The following CACNA2D3 variants were observed in gnomAD, a reference collection of about 807,000 sequenced individuals.
The protein encoded by CACNA2D3 is voltage-dependent calcium channel subunit alpha-2/delta-3.
CACNA2D3 carries 60 observed loss-of-function variants against 160.6 expected under a neutral mutation model. The ratio of observed to expected loss-of-function variants is 0.37; its 90% CI spans 0.30 to 0.46. The LOEUF is 0.46. Ranked by LOEUF, CACNA2D3 falls within the 20% of genes least tolerant of loss-of-function variation. The pLI is 1.00. For missense variants in CACNA2D3, 1,205 were observed against 1,365.0 expected, an observed-to-expected ratio of 0.88 and a Z score of 1.85; for synonymous variants, 558 against 492.9, an observed-to-expected ratio of 1.13 and a Z score of -1.75.
Position 54,661,838 on chromosome 3 carries a change from A to ATGTG in CACNA2D3, c.1167+19601_1167+19604dup, listed in dbSNP as rs780111250. Among the ~76,000 whole-genome samples, 427 of 146,778 alleles carry ATGTG rather than the reference A, an allele frequency of 2.9e-3. 3 individuals are homozygous for ATGTG. The East Asian group carries it at 0.031, about 11-fold the overall frequency. On this transcript the variant is annotated intron_variant, in intron 11 of 37. Transcript: ENST00000474759. The stretch of plus-strand genomic sequence containing the variant: ...TATGGTTCACACAGACATCTCAGGG[A>ATGTG]TGTGTGTATGTGTGTGTGTGTGTGT...
intron 16 of CACNA2D3, 142 bp downstream of exon 16, chr3:54,838,790 T>C (rs1237190929): frequency 2.6e-5 from 17 of 648,964 alleles, no homozygotes; most frequent in Middle Eastern, 5.0e-4. Flanking sequence ...CTTTATACCA[T>C]CTGCACAGTT....
intron 14 of CACNA2D3, among the ~76,000 whole-genome samples, chr3:54,836,275 C>T (rs1450645495): frequency 2.1e-5 from 3 of 145,468 alleles, no homozygotes; most frequent in African/African-American, 7.7e-5. Context: ...CGCTCTGTCA[C>T]CCAGCCTGGA....
At chr3:54,335,746 T>C (rs1704361089) in intron 3 of CACNA2D3, among the ~76,000 whole-genome samples, 1 of 152,118 alleles carries the variant, frequency 6.6e-6, no homozygotes, top group African/African-American at 2.4e-5. Context: ...GGCTCATGCC[T>C]GTAATCCCAG....
intron 4 of CACNA2D3, among the ~76,000 whole-genome samples, chr3:54,387,043 A>C (rs1469256561): frequency 6.6e-6 from 1 of 152,246 alleles, no homozygotes; most frequent in South Asian, 2.1e-4. Flanking sequence ...TAAATCGGTC[A>C]ACTGACAATA....
chr3:54,692,820 A>C (rs1292858178), intron 11 of CACNA2D3, among the ~76,000 whole-genome samples: 1 of 152,200 alleles, frequency 6.6e-6, no homozygotes, highest in Non-Finnish European at 1.5e-5. Context: ...TATTCTACAG[A>C]TGTCTCTGCC....
chr3:54,375,647 C>A (rs999606786), intron 3 of CACNA2D3, among the ~76,000 whole-genome samples: 1 of 152,004 alleles, frequency 6.6e-6, no homozygotes, highest in Non-Finnish European at 1.5e-5. Flanking sequence ...GATCAAAGGA[C>A]CTTTTGGGTC....
chr3:54,646,530 G>A (rs1184697936), intron 11 of CACNA2D3, among the ~76,000 whole-genome samples: 2 of 151,964 alleles, frequency 1.3e-5, no homozygotes, highest in Admixed American at 6.6e-5. Context: ...AGTTTGCTGA[G>A]GATAATGGCT....
chr3:54,317,591 G>T (rs527640196), intron 2 of CACNA2D3, among the ~76,000 whole-genome samples: 1 of 152,188 alleles, frequency 6.6e-6, no homozygotes, highest in Admixed American at 6.5e-5. Flanking sequence ...AGGCTGGAGT[G>T]CAATGGCGCG....
intron 27 of CACNA2D3, among the ~76,000 whole-genome samples, chr3:54,941,491 A>G (rs1370145345): frequency 2.6e-5 from 4 of 152,054 alleles, no homozygotes; most frequent in African/African-American, 7.2e-5. Flanking sequence ...TTCCCCCTCC[A>G]TTCATTGTTC....
chr3:54,714,993 C>G lies in CACNA2D3; in HGVS notation c.1168-37606C>G, dbSNP rs146679965. Among the ~76,000 whole-genome samples, 1,061 of 152,318 alleles carry G rather than the reference C, an allele frequency of 7.0e-3. 17 individuals are homozygous for G. Among genetic ancestry groups the G allele is most frequent in the African/African-American group, 0.024 (992 of 41,558 alleles). On this transcript the variant is annotated intron_variant, in intron 11 of 37. Coordinates refer to ENST00000474759, the MANE Select transcript of CACNA2D3 (RefSeq NM_018398.3). ...CAAGCAATCAACTGTCCAGCAGATT[C>G]TCCAGTAGATACGATACCAGCTGGG...
chr3:54,491,057 C>T (rs1207886136), intron 4 of CACNA2D3, among the ~76,000 whole-genome samples: 2 of 152,148 alleles, frequency 1.3e-5, no homozygotes, highest in Non-Finnish European at 2.9e-5. Context: ...TCTATATTCT[C>T]TCTCTCTCTC....
chr3:54,377,845 G>T (rs918239026), intron 3 of CACNA2D3, among the ~76,000 whole-genome samples: 2 of 152,164 alleles, frequency 1.3e-5, no homozygotes, highest in African/African-American at 4.8e-5. Flanking sequence ...ACAAGTACTT[G>T]CTAAACTAAA....
At chr3:54,124,201 C>T (rs1201344854) in intron 2 of CACNA2D3, among the ~76,000 whole-genome samples, 1 of 152,180 alleles carries the variant, frequency 6.6e-6, no homozygotes, top group African/African-American at 2.4e-5. Flanking sequence ...AGAAATGGGT[C>T]TGCATCCATG....
chr3:54,691,923 A>G (rs2106933667), intron 11 of CACNA2D3, among the ~76,000 whole-genome samples: 1 of 152,266 alleles, frequency 6.6e-6, no homozygotes, highest in African/African-American at 2.4e-5. Flanking sequence ...AGTTGTCACA[A>G]TGTCATTTAT....
intron 2 of CACNA2D3, among the ~76,000 whole-genome samples, chr3:54,161,717 T>C (rs970139867): frequency 6.6e-6 from 1 of 152,232 alleles, no homozygotes; most frequent in Non-Finnish European, 1.5e-5. Flanking sequence ...TATCATGATA[T>C]GAAAAGCATC....
At chr3:54,128,913 G>C (rs1489935294) in intron 2 of CACNA2D3, among the ~76,000 whole-genome samples, 1 of 152,190 alleles carries the variant, frequency 6.6e-6, no homozygotes, top group Non-Finnish European at 1.5e-5. Flanking sequence ...TAACGGCCTA[G>C]GTTTCATCTC....
At chr3:54,608,079 A>T (rs1203313806) in intron 9 of CACNA2D3, among the ~76,000 whole-genome samples, 1 of 152,190 alleles carries the variant, frequency 6.6e-6, no homozygotes, top group Non-Finnish European at 1.5e-5. Context: ...CTGAATCCTG[A>T]TTGTGGTGGT....
chr3:54,261,095 C>A (rs534801690), intron 2 of CACNA2D3, among the ~76,000 whole-genome samples: 1 of 152,284 alleles, frequency 6.6e-6, no homozygotes, highest in East Asian at 1.9e-4. Context: ...AGTTTTATTT[C>A]TATTAAGAAT....
intron 4 of CACNA2D3, among the ~76,000 whole-genome samples, chr3:54,474,237 T>C (rs1700788363): frequency 6.6e-6 from 1 of 152,224 alleles, no homozygotes; most frequent in South Asian, 2.1e-4. Context: ...GATGAGTTCA[T>C]GTCCTTTGCG....
Sources: allele counts gnomAD v4.1 joint callset (sites outside exome capture counted in the v4.1 genomes callset), GRCh38; gene constraint gnomAD v4.1.1; transcripts MANE v1.5; gene names NCBI Gene and HGNC (gene_info 2026-07-23, HGNC 2026-07-21).